TAFA5: variants seen among roughly 807,000 people sequenced by gnomAD.
The protein encoded by TAFA5 is chemokine-like protein TAFA-5.
TAFA5 carries 6 observed loss-of-function variants against 15.3 expected under a neutral mutation model. The ratio of observed to expected loss-of-function variants is 0.39; its 90% CI spans 0.21 to 0.77. TAFA5 has a LOEUF of 0.77. TAFA5 is among the 30% of genes least tolerant of loss of function. The pLI is 0.41. For synonymous variants in TAFA5, 103 were observed against 80.7 expected (o/e 1.28, Z -1.48); for missense variants, 161 against 193.1 (o/e 0.83, Z 0.98).
chr22:48,700,297 G>A (rs531085726), intron 2 of TAFA5, among the ~76,000 whole-genome samples: 98 of 152,270 alleles, frequency 6.4e-4, no homozygotes, highest in Non-Finnish European at 1.2e-3. Context: ...AGGGGTGCAA[G>A]GAAAGGAGCT....
intron 3 of TAFA5, among the ~76,000 whole-genome samples, chr22:48,737,929 C>T (rs888885703): frequency 6.6e-6 from 1 of 152,156 alleles, no homozygotes; most frequent in Admixed American, 6.5e-5. Flanking sequence ...GGTCACTGTG[C>T]AGCCCTGTTG....
Position 48,569,504 on chromosome 22 carries a change from C to T in TAFA5, c.113-77093C>T, listed in dbSNP as rs141161229. ...AAGGACATGGGGAGTGTGGCCGCTA[C>T]AATCAAGGCCCACGGGGTGCATAGC... On this transcript the variant is annotated intron_variant, in intron 1 of 3. Coordinates refer to ENST00000402357, the MANE Select transcript of TAFA5 (RefSeq NM_001082967.3). 3.0e-3 allele frequency among the ~76,000 whole-genome samples: 450 copies of T among 152,168 alleles called. 5 individuals are homozygous for T. The highest frequency in any genetic ancestry group is 9.7e-3 in the East Asian group (50 of 5,166).
chr22:48,684,006 CT>C (rs971393745), intron 2 of TAFA5, among the ~76,000 whole-genome samples: 1 of 152,082 alleles, frequency 6.6e-6, no homozygotes, highest in African/African-American at 2.4e-5. Context: ...GTCAGTTAAA[CT>C]TTTTTTTCTT....
At chr22:48,510,219 T>C (rs994786641) in intron 1 of TAFA5, among the ~76,000 whole-genome samples, 3 of 152,294 alleles carry the variant, frequency 2.0e-5, no homozygotes, top group South Asian at 4.1e-4. Context: ...CAAAAGCTTC[T>C]GCACAGCAAA....
At chr22:48,506,666 G>A (rs763339233) in intron 1 of TAFA5, among the ~76,000 whole-genome samples, 6 of 152,200 alleles carry the variant, frequency 3.9e-5, no homozygotes, top group Non-Finnish European at 8.8e-5. Flanking sequence ...GCCGGGTGCT[G>A]ATGAGAATGA....
At chr22:48,719,279 G>A (rs738699) in intron 3 of TAFA5, among the ~76,000 whole-genome samples, 1 of 152,014 alleles carries the variant, frequency 6.6e-6, no homozygotes, top group African/African-American at 2.4e-5. Flanking sequence ...CCTCGGGTGA[G>A]GTGGCACGTC....
At chr22:48,683,806 C>T (rs1006490583) in intron 2 of TAFA5, among the ~76,000 whole-genome samples, 3 of 152,148 alleles carry the variant, frequency 2.0e-5, no homozygotes, top group South Asian at 2.1e-4. Context: ...GGATCATGGG[C>T]GCGGTTTTCC....
chr22:48,588,393 C>G (rs1232468316), intron 1 of TAFA5, among the ~76,000 whole-genome samples: 3 of 152,184 alleles, frequency 2.0e-5, no homozygotes, highest in African/African-American at 7.2e-5. Context: ...CGACTTTGCT[C>G]CCTGGATGGG....
intron 1 of TAFA5, among the ~76,000 whole-genome samples, chr22:48,604,676 G>C (rs1221814255): frequency 1.3e-5 from 2 of 152,206 alleles, no homozygotes; most frequent in African/African-American, 4.8e-5. Flanking sequence ...CAGCTAGCTT[G>C]TGGTGCCCTT....
At chr22:48,637,223 TG>T (rs1926482510) in intron 1 of TAFA5, among the ~76,000 whole-genome samples, 1 of 152,148 alleles carries the variant, frequency 6.6e-6, no homozygotes, top group African/African-American at 2.4e-5. Flanking sequence ...CGTGCCTGTG[TG>T]TAAGGATCTG....
chr22:48,627,975 G>A (rs1450320744), intron 1 of TAFA5, among the ~76,000 whole-genome samples: 2 of 152,184 alleles, frequency 1.3e-5, no homozygotes, highest in South Asian at 2.1e-4. Context: ...CCATCCAGGC[G>A]GGGAAATGGA....
intron 1 of TAFA5, among the ~76,000 whole-genome samples, chr22:48,495,420 T>C (rs552843386): frequency 6.6e-6 from 1 of 152,230 alleles, no homozygotes; most frequent in South Asian, 2.1e-4. Flanking sequence ...TAGGCCCCTG[T>C]GTTCTGGTGG....
chr22:48,512,128 A>G (rs564811478), intron 1 of TAFA5, among the ~76,000 whole-genome samples: 389 of 152,240 alleles, frequency 2.6e-3, no homozygotes, highest in Non-Finnish European at 3.8e-3. Context: ...CTGCAAGGTG[A>G]CTGAGCCCCT....
chr22:48,706,385 G>A (rs1375589318), intron 2 of TAFA5, among the ~76,000 whole-genome samples: 1 of 152,246 alleles, frequency 6.6e-6, no homozygotes, highest in East Asian at 1.9e-4. Flanking sequence ...GGGAGGAAAA[G>A]GCCCACCCTG....
intron 2 of TAFA5, among the ~76,000 whole-genome samples, chr22:48,702,128 A>AGTGTGTGT (rs71669916): frequency 1.9e-5 from 2 of 107,650 alleles, no homozygotes; most frequent in African/African-American, 3.5e-5. Context: ...CTTGTGTGTG[A>AGTGTGTGT]GTGTGTGTGT....
intron 1 of TAFA5, among the ~76,000 whole-genome samples, chr22:48,529,779 C>T (rs972295656): frequency 1.3e-5 from 2 of 151,836 alleles, no homozygotes; most frequent in South Asian, 2.1e-4. Context: ...GGTGTGTGGA[C>T]GGGGAGGGTG....
intron 2 of TAFA5, among the ~76,000 whole-genome samples, chr22:48,701,638 G>A (rs76679014): frequency 0.043 from 6,606 of 152,272 alleles, 444 homozygotes; most frequent in African/African-American, 0.14. Context: ...TTGGACTTTC[G>A]GCAAATTGAT....
intron 1 of TAFA5, chr22:48,545,289 T>C: frequency 4.1e-6 from 1 of 245,994 alleles, no homozygotes; most frequent in Non-Finnish European, 8.1e-6. Flanking sequence ...ACAGTGTTCC[T>C]GGTGGCCCCT....
At chr22:48,556,461 C>A (rs1394708112) in intron 1 of TAFA5, among the ~76,000 whole-genome samples, 1 of 152,228 alleles carries the variant, frequency 6.6e-6, no homozygotes, top group Non-Finnish European at 1.5e-5. Flanking sequence ...CTAAGCTGCA[C>A]ATAATTAATA....
Sources: gnomAD v4.1 joint callset for allele counts (sites outside exome capture counted in the v4.1 genomes callset) on GRCh38, gnomAD v4.1.1 for gene constraint, MANE v1.5 for transcripts, NCBI Gene and HGNC (gene_info 2026-07-23, HGNC 2026-07-21) for gene names.